The following IL18BP variants were observed in gnomAD, a reference collection of about 807,000 sequenced individuals.
IL18BP encodes interleukin 18 binding protein.
IL18BP carries 23 observed loss-of-function variants against 19.9 expected under a neutral mutation model. That is an observed-to-expected ratio of 1.15 (90% confidence interval 0.83 to 1.64). IL18BP has a LOEUF of 1.64. Among genes scored for constraint, IL18BP ranks in the 40% most tolerant of loss-of-function variants. IL18BP has a pLI of 0.00. For missense variants in IL18BP, 239 were observed against 240.7 expected, an observed-to-expected ratio of 0.99 and a Z score of 0.05; for synonymous variants, 107 against 101.0, an observed-to-expected ratio of 1.06 and a Z score of -0.35.
intron 1 of IL18BP, chr11:71,999,586 G>A (rs937016160): frequency 2.9e-5 from 7 of 239,822 alleles, no homozygotes; most frequent in African/African-American, 1.6e-4. Flanking sequence ...TGCTTTCCCA[G>A]AAGGATTGCT....
chr11:72,006,134 A>G, downstream of IL18BP: 14 of 1,614,146 alleles, frequency 8.7e-6, no homozygotes, highest in Non-Finnish European at 1.2e-5. Context: ...GAGTTGCCAT[A>G]ATCGGGAGAA....
chr11:72,004,597 T>C (rs1167565452), downstream of IL18BP: 1 of 1,589,286 alleles, frequency 6.3e-7, no homozygotes, highest in Non-Finnish European at 8.6e-7. Flanking sequence ...GGGCCTGACC[T>C]GAGCACAGTG....
intron 3 of IL18BP, 139 bp from the exon 4 acceptor site, chr11:72,001,062 C>T: frequency 1.0e-6 from 1 of 985,312 alleles, no homozygotes; most frequent in Non-Finnish European, 1.5e-6. Context: ...ACGGACGTTC[C>T]CACCTAGGTG....
chr11:72,004,451 G>A, downstream of IL18BP: 1 of 1,224,966 alleles, frequency 8.2e-7, no homozygotes, highest in Non-Finnish European at 1.2e-6. Context: ...CGTGCAACCT[G>A]CTCCCCTTCC....
downstream of IL18BP, chr11:72,004,245 C>A: frequency 6.2e-7 from 1 of 1,611,682 alleles, no homozygotes; most frequent in Non-Finnish European, 8.5e-7. Flanking sequence ...GAAGCTGGAG[C>A]TGCTTTCTTC....
downstream of IL18BP, chr11:72,007,483 A>AT (rs142924918): frequency 6.2e-7 from 1 of 1,602,298 alleles, no homozygotes. Context: ...GCTAGAAGGC[A>AT]TTTTGTCCAG....
downstream of IL18BP, chr11:72,007,688 C>A (rs1955839036): frequency 3.7e-6 from 2 of 541,136 alleles, no homozygotes; most frequent in Non-Finnish European, 6.6e-6. Flanking sequence ...CACCAGATGC[C>A]CATGGCTGCT....
chr11:71,999,336 A>C, intron 1 of IL18BP: 1 of 354,566 alleles, frequency 2.8e-6, no homozygotes, highest in Non-Finnish European at 5.6e-6. Flanking sequence ...GGCGGACACC[A>C]AAGTCCTGAC....
chr11:72,006,361 A>G, downstream of IL18BP: 5 of 989,176 alleles, frequency 5.1e-6, no homozygotes, highest in South Asian at 3.2e-5. Context: ...CGGCACATCC[A>G]TGTATTCCCA....
At chr11:72,006,595 A>G (rs1418870738), downstream of IL18BP, among the ~76,000 whole-genome samples, 1 of 152,230 alleles carries the variant, frequency 6.6e-6, no homozygotes, top group Non-Finnish European at 1.5e-5. Flanking sequence ...ACTGCTAGGA[A>G]GTATCAGAGC....
downstream of IL18BP, chr11:72,002,880 G>A (rs1955353896): frequency 4.5e-6 from 1 of 222,082 alleles, no homozygotes; most frequent in African/African-American, 2.2e-5. Context: ...GAGAAAAATA[G>A]ACTTTATTTA....
At chr11:72,001,119 G>A in intron 3 of IL18BP, 82 bp from the exon 4 acceptor site, 2 of 1,548,224 alleles carry the variant, frequency 1.3e-6, no homozygotes, top group Non-Finnish European at 1.8e-6. Flanking sequence ...GGACTGGGGG[G>A]AGCTGGCAGG....
At chr11:72,005,344 A>G (rs1231482442), downstream of IL18BP, 2 of 1,608,326 alleles carry the variant, frequency 1.2e-6, no homozygotes, top group Admixed American at 3.4e-5. Flanking sequence ...CATCCTGGCA[A>G]GTGCCCATGT....
In IL18BP at chr11:72,001,608, G is replaced by A. The variant is rs756913750; in HGVS notation, c.507+56G>A. 29 of 1,590,192 alleles carry A rather than the reference G, an allele frequency of 1.8e-5. No individual in the cohort carries two copies. The South Asian group carries it at 3.1e-4, about 17-fold the overall frequency. On this transcript the variant is annotated intron_variant, in intron 5 of 5. Transcript: ENST00000393703. Reference sequence around the variant, plus strand: ...CAGGAGGAGCTCTGCTTCCATATGTGGGGAGGAAAGGGTGGGCTCTGCCAG... The same window carrying A: ...CAGGAGGAGCTCTGCTTCCATATGTAGGGAGGAAAGGGTGGGCTCTGCCAG...
downstream of IL18BP, chr11:72,007,572 G>C: frequency 8.7e-7 from 1 of 1,145,530 alleles, no homozygotes; most frequent in Non-Finnish European, 1.2e-6. Context: ...ATTTTTCAGA[G>C]GTACCAAGGA....
At chr11:72,007,219 G>C (rs780538460), downstream of IL18BP, 1 of 1,611,714 alleles carries the variant, frequency 6.2e-7, no homozygotes, top group Non-Finnish European at 8.5e-7. Flanking sequence ...TGATCTGCGT[G>C]GTGCGCCGAC....
chr11:71,999,630 G>C (rs1029777421), intron 1 of IL18BP: 1 of 288,670 alleles, frequency 3.5e-6, no homozygotes. Flanking sequence ...CAGCTCTGGT[G>C]CTGAAGAGAG....
downstream of IL18BP, chr11:72,005,561 T>C (rs1165487995): frequency 8.8e-6 from 5 of 571,122 alleles, no homozygotes; most frequent in East Asian, 1.3e-4. Flanking sequence ...GCTCACCACC[T>C]TCTCCCTGGA....
At chr11:72,004,892 T>G (rs1955580744), downstream of IL18BP, 16 of 1,382,538 alleles carry the variant, frequency 1.2e-5, no homozygotes, top group Non-Finnish European at 1.6e-5. Context: ...GTCCCAGAAC[T>G]CTACACTCGC....
Sources: allele counts gnomAD v4.1 joint callset (sites outside exome capture counted in the v4.1 genomes callset), GRCh38; gene constraint gnomAD v4.1.1; transcripts MANE v1.5; gene names NCBI Gene and HGNC (gene_info 2026-07-23, HGNC 2026-07-21).